OSMR: variants seen among roughly 807,000 people sequenced by gnomAD.
OSMR encodes oncostatin M receptor, also known as oncostatin-M-specific receptor subunit beta.
Under a neutral mutation model 99.9 loss-of-function variants are expected in OSMR, and 81 were observed. The ratio of observed to expected loss-of-function variants is 0.81; its 90% CI spans 0.68 to 0.97. The LOEUF (loss-of-function observed/expected upper bound fraction) is 0.97. Among genes scored for constraint, OSMR ranks in the 50% least tolerant of loss-of-function variants. The pLI, the probability that OSMR is intolerant of heterozygous loss-of-function variation, is 0.00. For missense variants in OSMR, 1,099 were observed against 1,153.4 expected (o/e 0.95, Z 0.68); for synonymous variants, 406 against 410.4 (o/e 0.99, Z 0.13).
At chr5:38,852,718 A>ATGTTTTTTTTTTT (rs1740493126) in intron 1 of OSMR, among the ~76,000 whole-genome samples, 1 of 70,660 alleles carries the variant, frequency 1.4e-5, no homozygotes. Context: ...TATTGTTTTC[A>ATGTTTTTTTTTTT]TTTTTTTTTT....
chr5:38,888,413 G>A (rs539375638), intron 7 of OSMR, among the ~76,000 whole-genome samples: 1 of 151,684 alleles, frequency 6.6e-6, no homozygotes, highest in Non-Finnish European at 1.5e-5. Context: ...CTGAAGTTTG[G>A]GTGGGGTGGC....
chr5:38,852,776 G>GCTGGACT (rs1740510553), intron 1 of OSMR, among the ~76,000 whole-genome samples: 1 of 113,880 alleles, frequency 8.8e-6, no homozygotes, highest in African/African-American at 3.4e-5. Context: ...TTTCGCCCAA[G>GCTGGACT]CTGGACTGCA....
At chr5:38,897,077 T>A (rs1178008852) in intron 7 of OSMR, among the ~76,000 whole-genome samples, 1 of 152,162 alleles carries the variant, frequency 6.6e-6, no homozygotes, top group Admixed American at 6.5e-5. Flanking sequence ...GATTTTTGTA[T>A]CAATATTCAT....
At chr5:38,858,281 T>C (rs1741015948) in intron 1 of OSMR, among the ~76,000 whole-genome samples, 1 of 151,986 alleles carries the variant, frequency 6.6e-6, no homozygotes, top group African/African-American at 2.4e-5. Context: ...CAGCCTCAGG[T>C]AACCATCATT....
chr5:38,864,483 CTA>C (rs1456118833), intron 1 of OSMR, among the ~76,000 whole-genome samples: 1 of 150,484 alleles, frequency 6.6e-6, no homozygotes, highest in African/African-American at 2.4e-5. Context: ...CTTGGAAAGA[CTA>C]TTTCTCTTTC....
intron 12 of OSMR, 129 bp downstream of exon 12, chr5:38,921,923 G>C (rs778637876): frequency 1.3e-6 from 1 of 766,146 alleles, no homozygotes; most frequent in Non-Finnish European, 2.3e-6. Context: ...AATCCAGCAT[G>C]GGTGTTAGGA....
intron 7 of OSMR, among the ~76,000 whole-genome samples, chr5:38,887,117 T>C (rs1187347839): frequency 6.6e-6 from 1 of 152,194 alleles, no homozygotes; most frequent in East Asian, 1.9e-4. Context: ...TGCACATTTT[T>C]TGTTGGTAAG....
exon 3 of OSMR, chr5:38,944,956 T>C: frequency 6.2e-7 from 1 of 1,614,072 alleles, no homozygotes; most frequent in Non-Finnish European, 8.5e-7. Context: ...CTGAGCCTTC[T>C]TGAGACACCC....
chr5:38,923,069 T>C (rs357293), intron 12 of OSMR, 81 bp from the exon 13 acceptor site: 963,881 of 1,568,048 alleles, frequency 0.61, 299,926 homozygotes, highest in African/African-American at 0.83. Context: ...AGCCAACGTG[T>C]CATGCCTTTT....
intron 15 of OSMR, among the ~76,000 whole-genome samples, chr5:38,930,538 A>G (rs889603728): frequency 6.6e-6 from 1 of 152,214 alleles, no homozygotes; most frequent in African/African-American, 2.4e-5. Context: ...GTAGATGTGA[A>G]TAACTTAACC....
chr5:38,881,084 G>A (rs1457733452), intron 3 of OSMR, among the ~76,000 whole-genome samples: 2 of 152,178 alleles, frequency 1.3e-5, no homozygotes, highest in East Asian at 1.9e-4. Flanking sequence ...ATCAACTTCC[G>A]AGAGAAAATG....
intron 9 of OSMR, among the ~76,000 whole-genome samples, chr5:38,915,060 A>T (rs1745817229): frequency 6.6e-6 from 1 of 152,242 alleles, no homozygotes; most frequent in African/African-American, 2.4e-5. Flanking sequence ...ATAGGGAGGG[A>T]TATGATTCAC....
downstream of OSMR, chr5:38,940,386 A>T (rs991300557): frequency 4.7e-5 from 11 of 232,168 alleles, no homozygotes; most frequent in Non-Finnish European, 7.7e-5. Context: ...ATAAGATTAC[A>T]TTACTTCCTT....
intron 9 of OSMR, among the ~76,000 whole-genome samples, chr5:38,907,273 C>T (rs1017372903): frequency 6.6e-6 from 1 of 152,180 alleles, no homozygotes; most frequent in South Asian, 2.1e-4. Flanking sequence ...GTTGAACAGG[C>T]GGCCTGCCCC....
chr5:38,915,320 A>AG (rs1745832179), intron 9 of OSMR, among the ~76,000 whole-genome samples: 1 of 152,236 alleles, frequency 6.6e-6, no homozygotes, highest in Non-Finnish European at 1.5e-5. Flanking sequence ...AGTAAACCCT[A>AG]TCAATGATAG....
chr5:38,899,836 A>AG (rs113061989), intron 7 of OSMR, among the ~76,000 whole-genome samples: 33 of 152,122 alleles, frequency 2.2e-4, no homozygotes, highest in South Asian at 6.2e-4. Context: ...GCAGAAGGAA[A>AG]GGTTTTCTTT....
At chr5:38,863,223 G>GAGGGGA (rs1741655477) in intron 1 of OSMR, among the ~76,000 whole-genome samples, 1 of 95,352 alleles carries the variant, frequency 1.0e-5, no homozygotes, top group Non-Finnish European at 2.2e-5. Flanking sequence ...GGGGGAGGGG[G>GAGGGGA]AGAGATGATT....
chr5:38,927,562 G>A (rs182088931), intron 15 of OSMR, among the ~76,000 whole-genome samples: 5 of 152,238 alleles, frequency 3.3e-5, no homozygotes, highest in African/African-American at 1.2e-4. Context: ...TGGGATGTAG[G>A]GCACCATGTC....
At chr5:38,857,747 A>T (rs1486835247) in intron 1 of OSMR, among the ~76,000 whole-genome samples, 1 of 152,010 alleles carries the variant, frequency 6.6e-6, no homozygotes, top group Non-Finnish European at 1.5e-5. Context: ...AGCTTACTGT[A>T]ATCGCCGCCT....
Sources: gnomAD v4.1 joint callset for allele counts (sites outside exome capture counted in the v4.1 genomes callset) on GRCh38, gnomAD v4.1.1 for gene constraint, MANE v1.5 for transcripts, NCBI Gene and HGNC (gene_info 2026-07-23, HGNC 2026-07-21) for gene names.